DPP9: variants seen among roughly 807,000 people sequenced by gnomAD.
DPP9 encodes dipeptidyl peptidase IV-related protein-2.
DPP9 carries 50 observed loss-of-function variants against 110.7 expected under a neutral mutation model. The observed-to-expected ratio is 0.45, with a 90% CI of 0.36 to 0.57. The LOEUF is 0.57. Among genes scored for constraint, DPP9 ranks in the 20% least tolerant of loss-of-function variants. The pLI, the probability that DPP9 is intolerant of heterozygous loss-of-function variation, is 0.00. For missense variants in DPP9, 1,022 were observed against 1,217.9 expected (o/e 0.84, Z 2.39); for synonymous variants, 561 against 514.4 (o/e 1.09, Z -1.23).
intron 4 of DPP9, among the ~76,000 whole-genome samples, chr19:4,712,070 G>A (rs541456197): frequency 1.3e-5 from 2 of 152,278 alleles, no homozygotes; most frequent in Middle Eastern, 3.4e-3. Flanking sequence ...CCCTGACCAG[G>A]ACAGCAACCC....
chr19:4,694,716 G>A lies in DPP9; in HGVS notation c.1461C>T (p.Thr487=), dbSNP rs561716264. 9.0e-5 allele frequency: 145 copies of A among 1,613,522 alleles called. No individual in the cohort carries two copies. Among genetic ancestry groups the A allele is most frequent in the Non-Finnish European group, 1.2e-4 (139 of 1,179,698 alleles). Residue 487 remains threonine, a synonymous_variant, in exon 13 of 22, where the codon ACC becomes ACT. Transcript: ENST00000262960. This position sits in a 1 kb window ranked among gnomAD's most constrained non-coding sequence, Gnocchi z 4.0. Reference sequence around the variant, plus strand: ...CGTAGCCCTGGGATTTTAAAACGGCGGTGACTTTGTACAAATGGCAGAAGC... The same window carrying A: ...CGTAGCCCTGGGATTTTAAAACGGCAGTGACTTTGTACAAATGGCAGAAGC... ...KTGFCHLYKV[T]AVLKSQGYDW...
chr19:4,697,486 C>T (rs1215964692), intron 11 of DPP9, 65 bp downstream of exon 11: 54 of 1,409,126 alleles, frequency 3.8e-5, no homozygotes, highest in Non-Finnish European at 4.1e-5. Context: ...GAGGCAGCTT[C>T]GGTGGCTGCC....
In DPP9 at chr19:4,682,664, G is replaced by C; in HGVS notation, c.2474+32C>G. ...GTGCCGGGGTGCAGGAGAAGCCCCGGGGAGGAGCGCAGGGCAGGGCAGTGG... is the reference window on the plus strand; with the variant it reads ...GTGCCGGGGTGCAGGAGAAGCCCCGCGGAGGAGCGCAGGGCAGGGCAGTGG... On this transcript the variant is annotated intron_variant, in intron 20 of 21. Coordinates refer to ENST00000262960, the MANE Select transcript of DPP9 (RefSeq NM_139159.5). The surrounding 1 kb of genome is among the most constrained non-coding windows in gnomAD (Gnocchi z 7.1). 1 of 1,604,170 alleles carries C rather than the reference G, an allele frequency of 6.2e-7. No individual in the cohort carries two copies. The highest frequency in any genetic ancestry group is 8.5e-7 in the Non-Finnish European group (1 of 1,176,034).
At position 4,703,861 on chromosome 19, in the gene DPP9, C is replaced by T. The variant is rs750261265; in HGVS notation, c.769+25G>A. 1.7e-5 allele frequency: 27 copies of T among 1,582,690 alleles called. No homozygotes were observed. The Admixed American group carries it at 3.1e-4, about 18-fold the overall frequency. On this transcript the variant is annotated intron_variant, in intron 7 of 21. Coordinates refer to ENST00000262960, the MANE Select transcript of DPP9 (RefSeq NM_139159.5). ...AAGCTGGCCAGGTGGCTATGGTGGC[C>T]GTGCACAGGAGGGGCTGGCCCCACC...
chr19:4,692,191 G>T (rs934177096), intron 13 of DPP9, among the ~76,000 whole-genome samples: 1 of 152,080 alleles, frequency 6.6e-6, no homozygotes, highest in Non-Finnish European at 1.5e-5. Context: ...GTTTTTTTGG[G>T]GGGTAGGAGG....
In DPP9 at chr19:4,680,046, A is replaced by G. The variant is rs1212026711; in HGVS notation, c.2475-100T>C. ...GGAGTTTGAGACCAGCCTGGCCAAC[A>G]TGGTGAAACCCTGTCTCTACTAAAA... On this transcript the variant is annotated intron_variant, in intron 20 of 21. Transcript: ENST00000262960. The G allele has an allele frequency of 6.4e-6, 5 of 787,228 alleles. No individual in the cohort carries two copies. In the African/African-American group the frequency reaches 6.9e-5, roughly 11 times the overall value. The allele number at this position is 787,228 out of a possible 1,614,324, so 48.8% of individuals were successfully genotyped here.
chr19:4,681,668 G>A (rs554622198), intron 20 of DPP9, among the ~76,000 whole-genome samples: 7 of 151,700 alleles, frequency 4.6e-5, no homozygotes, highest in Non-Finnish European at 8.8e-5. Flanking sequence ...GGGTTCAAGC[G>A]ATTCTCCTGC....
At position 4,682,042 on chromosome 19, in the gene DPP9, G is replaced by T. The variant is rs1700011343; in HGVS notation, c.2474+654C>A. Among the ~76,000 whole-genome samples the T allele has an allele frequency of 6.6e-6, 1 of 151,862 alleles. No homozygotes were observed. The highest frequency in any genetic ancestry group is 2.4e-5 in the African/African-American group (1 of 41,346). ...TTTTTGTATTTTTAGTAGAGACGGG[G>T]TTTCATCTTGTTAGCCAGGATGGTC... On this transcript the variant is annotated intron_variant, in intron 20 of 21. Coordinates refer to ENST00000262960, the MANE Select transcript of DPP9 (RefSeq NM_139159.5). The surrounding 1 kb of genome is among the most constrained non-coding windows in gnomAD (Gnocchi z 7.1).
chr19:4,719,508 C>T (rs899461564), intron 3 of DPP9: 67 of 345,636 alleles, frequency 1.9e-4, no homozygotes, highest in Admixed American at 3.9e-5. Context: ...ATTCTGCCCC[C>T]AGCAAACACT....
rs1028758995 is a variant in DPP9, at chr19:4,682,049, C to T, written c.2474+647G>A. Among the ~76,000 whole-genome samples the T allele has an allele frequency of 6.6e-6, 1 of 151,978 alleles. No individual in the cohort carries two copies. Among genetic ancestry groups the T allele is most frequent in the East Asian group, 1.9e-4 (1 of 5,170 alleles). On this transcript the variant is annotated intron_variant, in intron 20 of 21. Transcript: ENST00000262960. The surrounding 1 kb of genome is among the most constrained non-coding windows in gnomAD (Gnocchi z 7.1). ...ATTTTTAGTAGAGACGGGGTTTCAT[C>T]TTGTTAGCCAGGATGGTCTCAATCT... is the stretch of plus-strand genomic sequence containing the variant.
intron 8 of DPP9, 25 bp from the exon 9 acceptor site, chr19:4,702,180 G>A (rs745337146): frequency 1.3e-6 from 2 of 1,595,502 alleles, no homozygotes; most frequent in South Asian, 1.1e-5. Flanking sequence ...TGGAAAAACT[G>A]CTGAGGGTGC....
Position 4,675,444 on chromosome 19 carries a change from T to A in DPP9, c.*1120A>T, listed in dbSNP as rs1406345764. The A allele has an allele frequency of 6.6e-6, 1 of 150,728 alleles. No homozygotes were observed. The highest frequency in any genetic ancestry group is 3.2e-3 in the Middle Eastern group (1 of 312). 9.3% of individuals were successfully genotyped at this position (150,728 alleles called of 1,614,324 possible). On this transcript the variant is annotated 3_prime_UTR_variant, in exon 22 of 22. Transcript: ENST00000262960. ...GGGAAATATAACCCTGAGGTGGGGA[T>A]GGTTCAGCTCCCAACCCCGGAACCC...
chr19:4,696,765 T>C (rs2091837136), intron 11 of DPP9, among the ~76,000 whole-genome samples: 1 of 151,454 alleles, frequency 6.6e-6, no homozygotes, highest in Non-Finnish European at 1.5e-5. Context: ...AAAATTAAAA[T>C]ATTAGCTGGG....
chr19:4,682,628 A>C lies in DPP9; in HGVS notation c.2474+68T>G. ...AGCTGGGGCAGGAGGGCACCCTCAT[A>C]GAGACAGCTGGTGCCGGGGTGCAGG... On this transcript the variant is annotated intron_variant, in intron 20 of 21. Transcript: ENST00000262960. The surrounding 1 kb of genome is among the most constrained non-coding windows in gnomAD (Gnocchi z 7.1). The C allele has an allele frequency of 1.0e-5, 16 of 1,569,142 alleles. No individual in the cohort carries two copies. Among genetic ancestry groups the C allele is most frequent in the Non-Finnish European group, 1.4e-5 (16 of 1,157,788 alleles).
intron 16 of DPP9, among the ~76,000 whole-genome samples, chr19:4,686,292 T>C (rs989768658): frequency 6.6e-6 from 1 of 151,624 alleles, no homozygotes; most frequent in Non-Finnish European, 1.5e-5. Flanking sequence ...GGTTTCACCA[T>C]GTTGGCCAAA....
At chr19:4,703,842 G>T (rs757030385) in intron 7 of DPP9, 44 bp downstream of exon 7, 1 of 1,562,734 alleles carries the variant, frequency 6.4e-7, no homozygotes, top group Non-Finnish European at 8.7e-7. Flanking sequence ...CTGGAAGCTG[G>T]CCAGGTGGCT....
rs1292226844 is a variant in DPP9 at position 4,676,258 on chromosome 19, T to A, written c.*306A>T. 1 of 419,508 alleles carries A rather than the reference T, an allele frequency of 2.4e-6. No homozygotes were observed. 26.0% of individuals were successfully genotyped at this position (419,508 alleles called of 1,614,324 possible). On this transcript the variant is annotated 3_prime_UTR_variant, in exon 22 of 22. Coordinates refer to ENST00000262960, the MANE Select transcript of DPP9 (RefSeq NM_139159.5). The surrounding 1 kb of genome is among the most constrained non-coding windows in gnomAD (Gnocchi z 4.0). ...GCAGCCCGCTCCTCTGAGTCTCTTCTGGCCTCTCCAGTGCCCATCAGCGTG... is the reference window on the plus strand; with the variant it reads ...GCAGCCCGCTCCTCTGAGTCTCTTCAGGCCTCTCCAGTGCCCATCAGCGTG...
intron 4 of DPP9, among the ~76,000 whole-genome samples, chr19:4,706,327 T>A: frequency 2.0e-5 from 2 of 99,038 alleles, no homozygotes; most frequent in African/African-American, 1.4e-4. Context: ...CAAGGCCCCG[T>A]CTCAAAAAAA....
chr19:4,690,765 A>C lies in DPP9; in HGVS notation c.1596+113T>G, dbSNP rs1000595091. ...TGTGTGCGTGTGTGTATGTGTGAGA[A>C]TGAGTATGTGTGTGAGTGTATGTGT... is the stretch of plus-strand genomic sequence containing the variant. On this transcript the variant is annotated intron_variant, in intron 14 of 21. Transcript: ENST00000262960. 4.7e-6 allele frequency: 4 copies of C among 845,634 alleles called. No homozygotes were observed. The African/African-American group carries it at 6.7e-5, about 14-fold the overall frequency. The allele number at this position is 845,634 out of a possible 1,614,324, so 52.4% of individuals were successfully genotyped here.
Sources: allele counts gnomAD v4.1 joint callset (sites outside exome capture counted in the v4.1 genomes callset), GRCh38; gene constraint gnomAD v4.1.1; non-coding constraint Gnocchi (gnomAD v3.1); transcripts MANE v1.5; gene names NCBI Gene and HGNC (gene_info 2026-07-23, HGNC 2026-07-21).